GALM: variants seen among roughly 807,000 people sequenced by gnomAD.
GALM encodes the protein aldose 1-epimerase.
A neutral mutation model predicts 37.4 loss-of-function variants in GALM; 43 were observed. The ratio of observed to expected loss-of-function variants is 1.15; its 90% CI spans 0.90 to 1.48. The LOEUF (loss-of-function observed/expected upper bound fraction) is 1.48. Ranked by LOEUF, GALM falls within the 40% of genes most tolerant of loss-of-function variation. GALM has a pLI of 0.00. For synonymous variants in GALM, 199 were observed against 170.6 expected (o/e 1.17, Z -1.30); for missense variants, 456 against 419.1 (o/e 1.09, Z -0.77).
At chr2:38,675,257 G>T (rs151131255) in intron 1 of GALM, among the ~76,000 whole-genome samples, 232 of 152,274 alleles carry the variant, frequency 1.5e-3, no homozygotes, top group African/African-American at 5.2e-3. Context: ...GGAAGAGTGT[G>T]TGCACATAAG....
intron 3 of GALM, among the ~76,000 whole-genome samples, chr2:38,683,762 T>C (rs1665458675): frequency 6.6e-6 from 1 of 152,200 alleles, no homozygotes; most frequent in African/African-American, 2.4e-5. Flanking sequence ...AGATGGGGTT[T>C]CACCATGTTG....
intron 1 of GALM, 82 bp from the exon 2 acceptor site, chr2:38,675,830 T>A (rs536654534): frequency 2.3e-6 from 3 of 1,319,298 alleles, no homozygotes; most frequent in Non-Finnish European, 3.3e-6. Flanking sequence ...CGGCCTCCCA[T>A]AGTGCTGGGA....
intron 3 of GALM, among the ~76,000 whole-genome samples, chr2:38,688,916 G>A (rs2148435207): frequency 6.6e-6 from 1 of 152,270 alleles, no homozygotes; most frequent in African/African-American, 2.4e-5. Flanking sequence ...CACCTCCCGG[G>A]TTCAAGCAAT....
At chr2:38,702,326 CA>C (rs1235779708) in intron 4 of GALM, among the ~76,000 whole-genome samples, 1 of 151,444 alleles carries the variant, frequency 6.6e-6, no homozygotes, top group Non-Finnish European at 1.5e-5. Flanking sequence ...TTTCACTGAT[CA>C]AAAAAATAAA....
chr2:38,681,489 A>C lies in GALM; in HGVS notation c.552+3A>C. 1 of 1,609,864 alleles carries C rather than the reference A, an allele frequency of 6.2e-7. No individual in the cohort carries two copies. The highest frequency in any genetic ancestry group is 8.5e-7 in the Non-Finnish European group (1 of 1,176,146). On this transcript the variant is annotated splice_donor_region_variant and intron_variant, in intron 3 of 6. Coordinates refer to ENST00000272252, the MANE Select transcript of GALM (RefSeq NM_138801.3). ...CTTACTTCAACCTGGCAGGCCAGGT[A>C]AGTGAACTTGTTTCTTCTTTCCTGC...
chr2:38,715,897 C>T (rs891126019), intron 4 of GALM, among the ~76,000 whole-genome samples: 15 of 152,314 alleles, frequency 9.8e-5, no homozygotes, highest in Admixed American at 3.3e-4. Context: ...GAGGTAGAGT[C>T]TCGTTATCCC....
chr2:38,672,886 T>C (rs1389961547), intron 1 of GALM, among the ~76,000 whole-genome samples: 1 of 151,450 alleles, frequency 6.6e-6, no homozygotes, highest in Non-Finnish European at 1.5e-5. Flanking sequence ...GGCGGGCACC[T>C]GTAATCCCAG....
intron 2 of GALM, among the ~76,000 whole-genome samples, chr2:38,677,576 A>C (rs543395925): frequency 7.2e-5 from 11 of 152,352 alleles, no homozygotes; most frequent in African/African-American, 2.4e-4. Context: ...GGCTTCAGAC[A>C]GGGATCTTCA....
At chr2:38,705,809 C>A (rs973579798) in intron 4 of GALM, among the ~76,000 whole-genome samples, 3 of 152,152 alleles carry the variant, frequency 2.0e-5, no homozygotes, top group African/African-American at 7.2e-5. Context: ...TCATGATTGT[C>A]TTTCTGGGCC....
intron 4 of GALM, among the ~76,000 whole-genome samples, chr2:38,700,034 C>T (rs912161922): frequency 2.6e-5 from 4 of 152,104 alleles, no homozygotes; most frequent in African/African-American, 9.7e-5. Flanking sequence ...TCACTGCAAC[C>T]TCCACTTCCC....
intron 4 of GALM, among the ~76,000 whole-genome samples, chr2:38,693,503 A>G (rs1047245938): frequency 1.3e-5 from 2 of 150,614 alleles, no homozygotes; most frequent in Non-Finnish European, 3.0e-5. Context: ...AAAAAAAGAG[A>G]GAGAGAAAAT....
Position 38,674,293 on chromosome 2 carries a change from G to A in GALM, c.191-1619G>A, listed in dbSNP as rs577598008. On this transcript the variant is annotated intron_variant, in intron 1 of 6. Coordinates refer to ENST00000272252, the MANE Select transcript of GALM (RefSeq NM_138801.3). ...CAACCTCTGCCTCCTGGGTTCAAGC[G>A]ATTCTCCTGCCTCAGCCTCCCAAGT... is the stretch of plus-strand genomic sequence containing the variant. Among the ~76,000 whole-genome samples the A allele has an allele frequency of 7.9e-5, 12 of 151,300 alleles. No homozygotes were observed. The East Asian group carries it at 2.0e-3, about 25-fold the overall frequency.
At chr2:38,718,388 G>A (rs949117490) in intron 4 of GALM, among the ~76,000 whole-genome samples, 2 of 151,170 alleles carry the variant, frequency 1.3e-5, no homozygotes, top group Admixed American at 6.6e-5. Context: ...CAGTAGAGAC[G>A]GGGTTTCGCT....
chr2:38,671,391 A>G (rs1285182760), intron 1 of GALM: 4 of 152,092 alleles, frequency 2.6e-5, no homozygotes, highest in African/African-American at 9.7e-5. Flanking sequence ...GAAACTTACA[A>G]TCATGGCAGG....
chr2:38,670,322 G>C (rs942254220), intron 1 of GALM, among the ~76,000 whole-genome samples: 24 of 152,050 alleles, frequency 1.6e-4, no homozygotes, highest in African/African-American at 2.4e-5. Flanking sequence ...TGCCACCAAA[G>C]ACCTGGCTAT....
chr2:38,696,781 CTTTTTT>C (rs34163863), intron 4 of GALM, among the ~76,000 whole-genome samples: 1 of 68,474 alleles, frequency 1.5e-5, no homozygotes, highest in Non-Finnish European at 2.7e-5. Flanking sequence ...CCCAAGAAAG[CTTTTTT>C]TTTTTTTTTT....
chr2:38,720,859 T>TGAGA (rs573613431), intron 4 of GALM, among the ~76,000 whole-genome samples: 1 of 151,436 alleles, frequency 6.6e-6, no homozygotes, highest in South Asian at 2.1e-4. Context: ...GCAAATGTCT[T>TGAGA]GAGAGAGAGA....
intron 3 of GALM, among the ~76,000 whole-genome samples, chr2:38,683,209 G>C (rs1665440802): frequency 1.3e-5 from 2 of 152,136 alleles, no homozygotes; most frequent in African/African-American, 4.8e-5. Context: ...GGAATGTTAG[G>C]TTTACTAAGG....
intron 1 of GALM, chr2:38,669,345 A>T (rs1665029048): frequency 6.6e-6 from 1 of 152,234 alleles, no homozygotes; most frequent in Admixed American, 6.6e-5. Flanking sequence ...TTACCGGTGC[A>T]TGCAGCCCCC....
Sources: allele counts gnomAD v4.1 joint callset (sites outside exome capture counted in the v4.1 genomes callset), GRCh38; gene constraint gnomAD v4.1.1; transcripts MANE v1.5; gene names NCBI Gene and HGNC (gene_info 2026-07-23, HGNC 2026-07-21).